Variants in RHD observed in about 807,000 individuals in gnomAD.
The protein encoded by RHD is Rh blood group D antigen.
RHD carries 16 observed loss-of-function variants against 45.5 expected under a neutral mutation model. The ratio of observed to expected loss-of-function variants is 0.35; its 90% confidence interval spans 0.24 to 0.53. The LOEUF is 0.53. Among genes scored for constraint, RHD ranks in the 20% least tolerant of loss-of-function variants. The pLI, the probability that RHD is intolerant of heterozygous loss-of-function variation, is 0.92. For synonymous variants in RHD, 131 were observed against 217.5 expected, an observed-to-expected ratio of 0.60 and a Z score of 3.50; for missense variants, 306 against 532.0, an observed-to-expected ratio of 0.58 and a Z score of 4.18.
At chr1:25,277,627 G>T (rs1237805968) in intron 1 of RHD, among the ~76,000 whole-genome samples, 1 of 128,824 alleles carries the variant, frequency 7.8e-6, no homozygotes, top group Non-Finnish European at 1.8e-5. Context: ...TCATTAAGTT[G>T]TTGAAAGGAT....
At chr1:25,280,603 GC>G (rs1441646869) in intron 1 of RHD, among the ~76,000 whole-genome samples, 1 of 77,128 alleles carries the variant, frequency 1.3e-5, no homozygotes, top group African/African-American at 3.6e-5. Flanking sequence ...ACTGTGCCTG[GC>G]CTTTTTTTTT....
At chr1:25,287,991 G>T (rs1642191493) in intron 2 of RHD, among the ~76,000 whole-genome samples, 2 of 132,830 alleles carry the variant, frequency 1.5e-5, no homozygotes, top group South Asian at 2.3e-4. Context: ...CCAAAGTACT[G>T]GGATTACAGG....
Position 25,285,897 on chromosome 1 carries a change from C to T in RHD, c.335+1138C>T, listed in dbSNP as rs1480295392. On this transcript the variant is annotated intron_variant, in intron 2 of 9. Transcript: ENST00000328664. ...CCTCCCCTTCTAAGACCCTGCTAAA[C>T]CTCTGGGCACTGCTGTTAAACATTT... is the stretch of plus-strand genomic sequence containing the variant. Among the ~76,000 whole-genome samples the T allele has an allele frequency of 5.2e-5, 7 of 134,562 alleles. 2 individuals are homozygous for T. The highest frequency in any genetic ancestry group is 1.2e-4 in the Non-Finnish European group (7 of 57,046). The allele number at this position is 134,562 out of a possible 152,430, so 88.3% of individuals were successfully genotyped here.
chr1:25,300,372 C>A (rs1229709021), intron 3 of RHD, among the ~76,000 whole-genome samples: 1 of 130,258 alleles, frequency 7.7e-6, no homozygotes, highest in Non-Finnish European at 1.8e-5. Context: ...ATTGGCCAGG[C>A]ATGGTTGTAC....
Position 25,285,095 on chromosome 1 carries a change from CAGAG to C in RHD, c.335+340_335+343del, listed in dbSNP as rs1368609866. Among the ~76,000 whole-genome samples, 21 of 132,336 alleles carry C rather than the reference CAGAG, an allele frequency of 1.6e-4. 6 individuals carry two copies. Among genetic ancestry groups the C allele is most frequent in the Admixed American group, 4.4e-4 (6 of 13,770 alleles). 86.8% of individuals were successfully genotyped at this position (132,336 alleles called of 152,430 possible). A position where few individuals can be genotyped will look rare whatever the true frequency, so the allele number is the denominator to read the frequency against. Reference sequence around the variant, plus strand: ...AAACGTAAGAAGGAAACACGTTAGACAGAGAGAAATAGACATGCCACACCTAGAG... The same window carrying C: ...AAACGTAAGAAGGAAACACGTTAGACAGAAATAGACATGCCACACCTAGAG... On this transcript the variant is annotated intron_variant, in intron 2 of 9. Coordinates refer to ENST00000328664, the MANE Select transcript of RHD (RefSeq NM_016124.6).
rs1415274091 is a variant in RHD, at chr1:25,309,300, A to G, written c.1073+2571A>G. ...ATGCAGTTGCAGATACTCTTTTTCA[A>G]TTCTCAGTCCTTTGATTACGTCAGG... On this transcript the variant is annotated intron_variant, in intron 7 of 9. Coordinates refer to ENST00000328664, the MANE Select transcript of RHD (RefSeq NM_016124.6). Among the ~76,000 whole-genome samples, 6 of 131,274 alleles carry G rather than the reference A, an allele frequency of 4.6e-5. 2 individuals are homozygous for G. Among genetic ancestry groups the G allele is most frequent in the Admixed American group, 1.5e-4 (2 of 13,590 alleles). The allele number at this position is 131,274 out of a possible 152,430, so 86.1% of individuals were successfully genotyped here. A position where few individuals can be genotyped will look rare whatever the true frequency, so the allele number is the denominator to read the frequency against.
chr1:25,274,804 C>G (rs184965566), intron 1 of RHD, among the ~76,000 whole-genome samples: 1 of 133,470 alleles, frequency 7.5e-6, no homozygotes, highest in Non-Finnish European at 1.8e-5. Context: ...GTTAGGAGTT[C>G]GAGACCAGCC....
At position 25,318,709 on chromosome 1, in the gene RHD, AG is replaced by A. The variant is rs1406128764; in HGVS notation, c.1153+1631del. Among the ~76,000 whole-genome samples the A allele has an allele frequency of 8.3e-5, 11 of 133,254 alleles. 2 individuals are homozygous for A. The highest frequency in any genetic ancestry group is 2.6e-4 in the African/African-American group (10 of 39,152). 87.4% of individuals were successfully genotyped at this position (133,254 alleles called of 152,430 possible). A position where few individuals can be genotyped will look rare whatever the true frequency, so the allele number is the denominator to read the frequency against. On this transcript the variant is annotated intron_variant, in intron 8 of 9. Transcript: ENST00000328664. ...CTAAGCAGGAGGTGAATGCCAAATA[AG>A]AGACAAATGGCGTAAGACACTATGA...
intron 7 of RHD, among the ~76,000 whole-genome samples, chr1:25,311,544 A>C (rs1644149869): frequency 7.6e-6 from 1 of 131,160 alleles, no homozygotes. Context: ...AAAAAAAGGA[A>C]GAAAGAAAAT....
chr1:25,307,606 G>C lies in RHD; in HGVS notation c.1073+877G>C, dbSNP rs1277988632. 41 of 900,682 alleles carry C rather than the reference G, an allele frequency of 4.6e-5. 9 individuals carry two copies. The highest frequency in any genetic ancestry group is 6.7e-5 in the Non-Finnish European group (39 of 578,792). 55.8% of individuals were successfully genotyped at this position (900,682 alleles called of 1,614,324 possible). A position where few individuals can be genotyped will look rare whatever the true frequency, so the allele number is the denominator to read the frequency against. Reference sequence around the variant, plus strand: ...ACAACCGCCTACTGAGGTATTCTCAGACTCTAAGAAATGAGATTTAAGAGA... The same window carrying C: ...ACAACCGCCTACTGAGGTATTCTCACACTCTAAGAAATGAGATTTAAGAGA... On this transcript the variant is annotated intron_variant, in intron 7 of 9. Transcript: ENST00000328664.
In RHD at chr1:25,305,314, C is replaced by A. The variant is rs1277931858; in HGVS notation, c.940-1282C>A. On this transcript the variant is annotated intron_variant, in intron 6 of 9. Transcript: ENST00000328664. Reference sequence around the variant, plus strand: ...GGTCCACCCAGGAGCATGGTGGACCCAGATCCCTGAAAGATGGGAGGTGCT... The same window carrying A: ...GGTCCACCCAGGAGCATGGTGGACCAAGATCCCTGAAAGATGGGAGGTGCT... 2.3e-5 allele frequency among the ~76,000 whole-genome samples: 3 copies of A among 132,146 alleles called. No individual in the cohort carries two copies. The East Asian group carries it at 5.8e-4, about 26-fold the overall frequency. 86.7% of individuals were successfully genotyped at this position (132,146 alleles called of 152,430 possible).
In RHD at chr1:25,305,629, C is replaced by G. The variant is rs1329560535; in HGVS notation, c.940-967C>G. 2.4e-5 allele frequency among the ~76,000 whole-genome samples: 3 copies of G among 126,344 alleles called. 1 individual carries two copies. Among genetic ancestry groups the G allele is most frequent in the African/African-American group, 8.3e-5 (3 of 36,266 alleles). The allele number at this position is 126,344 out of a possible 152,430, so 82.9% of individuals were successfully genotyped here. On this transcript the variant is annotated intron_variant, in intron 6 of 9. Transcript: ENST00000328664. The stretch of plus-strand genomic sequence containing the variant: ...GTTGTTGTTGTTGTTGAGACGGTGT[C>G]TCGCTCTTTTGCCCAGGCTGGAGTG...
In RHD at chr1:25,298,809, A is replaced by G. The variant is rs1327194880; in HGVS notation, c.487-2137A>G. On this transcript the variant is annotated intron_variant, in intron 3 of 9. Transcript: ENST00000328664. Reference sequence around the variant, plus strand: ...ATAAACAATAAAATAGGCAAAAGATATAGCATGTTAGAGAGTGGTAAGTAC... The same window carrying G: ...ATAAACAATAAAATAGGCAAAAGATGTAGCATGTTAGAGAGTGGTAAGTAC... Among the ~76,000 whole-genome samples, 2 of 131,160 alleles carry G rather than the reference A, an allele frequency of 1.5e-5. 1 individual carries two copies. Among genetic ancestry groups the G allele is most frequent in the African/African-American group, 5.3e-5 (2 of 38,084 alleles). 86.0% of individuals were successfully genotyped at this position (131,160 alleles called of 152,430 possible).
At position 25,276,023 on chromosome 1, in the gene RHD, A is replaced by G. The variant is rs1490744685; in HGVS notation, c.148+3328A>G. On this transcript the variant is annotated intron_variant, in intron 1 of 9. Transcript: ENST00000328664. The stretch of plus-strand genomic sequence containing the variant: ...TAAACTTAGGTAACTTAATCTGTCA[A>G]TCCACTTAATTGAATTCAGTCCTGG... Among the ~76,000 whole-genome samples the G allele has an allele frequency of 3.0e-5, 4 of 132,182 alleles. 1 individual carries two copies. The highest frequency in any genetic ancestry group is 1.0e-4 in the African/African-American group (4 of 38,774). 86.7% of individuals were successfully genotyped at this position (132,182 alleles called of 152,430 possible). A position where few individuals can be genotyped will look rare whatever the true frequency, so the allele number is the denominator to read the frequency against.
intron 9 of RHD, among the ~76,000 whole-genome samples, chr1:25,322,411 G>C (rs1462918950): frequency 1.5e-5 from 2 of 133,208 alleles, no homozygotes; most frequent in African/African-American, 2.6e-5. Flanking sequence ...GGTGGCTCAC[G>C]CCTGTGATCC....
At position 25,312,601 on chromosome 1, in the gene RHD, T is replaced by A. The variant is rs1644205461; in HGVS notation, c.1074-4399T>A. On this transcript the variant is annotated intron_variant, in intron 7 of 9. Transcript: ENST00000328664. ...TCTACAAAAAATAAAAATAAAAAAA[T>A]TAGCCAGGTATTGTGGCATATACCT... 1.6e-5 allele frequency among the ~76,000 whole-genome samples: 2 copies of A among 128,790 alleles called. 1 individual carries two copies. Among genetic ancestry groups the A allele is most frequent in the Admixed American group, 1.5e-4 (2 of 13,132 alleles). 84.5% of individuals were successfully genotyped at this position (128,790 alleles called of 152,430 possible).
rs549095693 is a variant in RHD, at chr1:25,295,749, G to T, written c.486+4958G>T. Among the ~76,000 whole-genome samples the T allele has an allele frequency of 3.0e-4, 32 of 107,910 alleles. 4 individuals carry two copies. The highest frequency in any genetic ancestry group is 8.5e-4 in the African/African-American group (28 of 32,874). 70.8% of individuals were successfully genotyped at this position (107,910 alleles called of 152,430 possible). On this transcript the variant is annotated intron_variant, in intron 3 of 9. Transcript: ENST00000328664. Reference sequence around the variant, plus strand: ...GACCAAGAGGCGGCCGGGAGGCTGAGACCACAGCAAGAAAGGGAGAGTGTG... The same window carrying T: ...GACCAAGAGGCGGCCGGGAGGCTGATACCACAGCAAGAAAGGGAGAGTGTG...
rs1360322601 is a variant in RHD, at chr1:25,313,896, A to G, written c.1074-3104A>G. ...TGTGGCCCTGTCATAAATGAATGCC[A>G]GATAGGCAAATAGAGAATCTAAGAA... On this transcript the variant is annotated intron_variant, in intron 7 of 9. Coordinates refer to ENST00000328664, the MANE Select transcript of RHD (RefSeq NM_016124.6). Among the ~76,000 whole-genome samples, 6 of 133,522 alleles carry G rather than the reference A, an allele frequency of 4.5e-5. 1 individual carries two copies. Among genetic ancestry groups the G allele is most frequent in the East Asian group, 1.9e-4 (1 of 5,138 alleles). The allele number at this position is 133,522 out of a possible 152,430, so 87.6% of individuals were successfully genotyped here.
rs1428770591 is a variant in RHD, at chr1:25,305,795, T to G, written c.940-801T>G. ...TTTTGTGTTTTTAGTAGAGACGGGG[T>G]TTCACCATGTTGGCCCTGCTGGTCT... On this transcript the variant is annotated intron_variant, in intron 6 of 9. Coordinates refer to ENST00000328664, the MANE Select transcript of RHD (RefSeq NM_016124.6). Among the ~76,000 whole-genome samples, 6 of 129,992 alleles carry G rather than the reference T, an allele frequency of 4.6e-5. 1 individual carries two copies. The highest frequency in any genetic ancestry group is 1.5e-4 in the Admixed American group (2 of 13,344). 85.3% of individuals were successfully genotyped at this position (129,992 alleles called of 152,430 possible). A position where few individuals can be genotyped will look rare whatever the true frequency, so the allele number is the denominator to read the frequency against.
Sources: gnomAD v4.1 joint callset for allele counts (sites outside exome capture counted in the v4.1 genomes callset) on GRCh38, gnomAD v4.1.1 for gene constraint, MANE v1.5 for transcripts, NCBI Gene and HGNC (gene_info 2026-07-23, HGNC 2026-07-21) for gene names.